DCAF1: variants seen among roughly 807,000 people sequenced by gnomAD.
The protein encoded by DCAF1 is DDB1 and CUL4 associated factor 1.
In DCAF1, 15 loss-of-function variants were observed where a neutral mutation model predicts 128.0. That is an observed-to-expected ratio of 0.12 (90% CI 0.08 to 0.18). The LOEUF (loss-of-function observed/expected upper bound fraction) is 0.18. Among genes scored for constraint, DCAF1 ranks in the 10% least tolerant of loss-of-function variants. DCAF1 has a pLI of 1.00. For synonymous variants in DCAF1, 610 were observed against 603.0 expected (o/e 1.01, Z -0.17); for missense variants, 988 against 1,649.5 (o/e 0.60, Z 6.95).
intron 6 of DCAF1, among the ~76,000 whole-genome samples, chr3:51,458,254 G>A (rs1418908519): frequency 6.6e-6 from 1 of 151,972 alleles, no homozygotes; most frequent in Non-Finnish European, 1.5e-5. Context: ...AAAAGGCAGG[G>A]GCTGCAATCC....
intron 23 of DCAF1, among the ~76,000 whole-genome samples, chr3:51,407,844 G>A (rs1357635991): frequency 6.6e-6 from 1 of 151,902 alleles, no homozygotes; most frequent in Non-Finnish European, 1.5e-5. Flanking sequence ...AGAATTGGCC[G>A]GTTGTGGTGG....
chr3:51,422,107 T>C (rs1699448613), intron 14 of DCAF1, among the ~76,000 whole-genome samples, 200 bp downstream of exon 14: 1 of 152,108 alleles, frequency 6.6e-6, no homozygotes, highest in African/African-American at 2.4e-5. Context: ...TACATTTGTA[T>C]TTTTGTTTTT....
At chr3:51,438,925 A>AT (rs1701102476) in intron 9 of DCAF1, among the ~76,000 whole-genome samples, 1 of 152,118 alleles carries the variant, frequency 6.6e-6, no homozygotes, top group African/African-American at 2.4e-5. Context: ...TGTTATATAC[A>AT]TTTTTTTAAA....
Position 51,473,058 on chromosome 3 carries a change from CCT to C in DCAF1, c.111-2055_111-2054del, listed in dbSNP as rs572243375. ...TTGGGAAGCCAAGGTGGGCCGATCACCTGAGGTCAGGAGTTCGAGACCAGCCT... is the reference window on the plus strand; with the variant it reads ...TTGGGAAGCCAAGGTGGGCCGATCACGAGGTCAGGAGTTCGAGACCAGCCT... On this transcript the variant is annotated intron_variant, in intron 3 of 24. Transcript: ENST00000684031. Among the ~76,000 whole-genome samples the C allele has an allele frequency of 2.9e-4, 43 of 149,746 alleles. No homozygotes were observed. In the South Asian group the frequency reaches 9.1e-3, roughly 32 times the overall value.
chr3:51,396,100 A>ATGT (rs1219965688), downstream of DCAF1: 13 of 410,118 alleles, frequency 3.2e-5, no homozygotes, highest in African/African-American at 2.5e-4. Context: ...CTGCCTTGGT[A>ATGT]TGTTGTTAAG....
chr3:51,401,131 CAAAAAAAAA>C, intron 24 of DCAF1, among the ~76,000 whole-genome samples: 1 of 67,270 alleles, frequency 1.5e-5, no homozygotes, highest in Non-Finnish European at 3.0e-5. Context: ...GACTCCATCT[CAAAAAAAAA>C]AAAAAAAAAA....
intron 6 of DCAF1, among the ~76,000 whole-genome samples, chr3:51,458,103 A>C (rs1347659165): frequency 6.6e-6 from 1 of 152,252 alleles, no homozygotes; most frequent in Admixed American, 6.5e-5. Context: ...GCTCCAATTA[A>C]AAGACACAGA....
chr3:51,503,822 T>C (rs2108658900), upstream of DCAF1, among the ~76,000 whole-genome samples: 1 of 152,262 alleles, frequency 6.6e-6, no homozygotes, highest in Admixed American at 6.5e-5. Flanking sequence ...ACTCTCACTT[T>C]ACAGAGAAAG....
At chr3:51,417,634 G>C (rs1010190069) in intron 17 of DCAF1, among the ~76,000 whole-genome samples, 2 of 151,946 alleles carry the variant, frequency 1.3e-5, no homozygotes, top group Non-Finnish European at 2.9e-5. Flanking sequence ...GCAGGAGAAC[G>C]GTGTGAACCC....
chr3:51,441,451 A>G lies in DCAF1; in HGVS notation c.960T>C (p.Pro320=). ...GTCGCTGCTCGATAGCAGGAGTCAT[A>G]GGATAAAGGGTATAATTGGTGCCAA... is the stretch of plus-strand genomic sequence containing the variant. ...WVIGTNYTLY[P]MTPAIEQRLI... is the part of the protein sequence containing the mutation. Residue 320 remains proline (P), a synonymous_variant, in exon 8 of 25, where the codon CCT becomes CCC. Transcript: ENST00000684031. 1 of 1,613,994 alleles carries G rather than the reference A, an allele frequency of 6.2e-7. No homozygotes were observed. Among genetic ancestry groups the G allele is most frequent in the Non-Finnish European group, 8.5e-7 (1 of 1,179,892 alleles).
At chr3:51,468,108 AG>A (rs1446549484) in intron 4 of DCAF1, among the ~76,000 whole-genome samples, 1 of 152,238 alleles carries the variant, frequency 6.6e-6, no homozygotes, top group African/African-American at 2.4e-5. Context: ...CCAGGGGCCT[AG>A]GATCAACTCA....
Position 51,407,549 on chromosome 3 carries a change from GT to G in DCAF1, c.4213-4155del, listed in dbSNP as rs1185511264. Among the ~76,000 whole-genome samples, 9 of 152,128 alleles carry G rather than the reference GT, an allele frequency of 5.9e-5. No individual in the cohort carries two copies. The East Asian group carries it at 1.7e-3, about 29-fold the overall frequency. On this transcript the variant is annotated intron_variant, in intron 23 of 24. Coordinates refer to ENST00000684031, the MANE Select transcript of DCAF1 (RefSeq NM_001387579.1). ...ACAGAGAGCATTATTCCTTTGTTGAGTTTTTTATTATAAATTTAAGGTTAAG... is the reference window on the plus strand; with the variant it reads ...ACAGAGAGCATTATTCCTTTGTTGAGTTTTTATTATAAATTTAAGGTTAAG...
In DCAF1 at chr3:51,412,978, G is replaced by C. The variant is rs367934393; in HGVS notation, c.4110+15C>G. 1.3e-5 allele frequency: 21 copies of C among 1,613,552 alleles called. No homozygotes were observed. The African/African-American group carries it at 1.9e-4, about 14-fold the overall frequency. On this transcript the variant is annotated intron_variant, in intron 22 of 24. Coordinates refer to ENST00000684031, the MANE Select transcript of DCAF1 (RefSeq NM_001387579.1). The stretch of plus-strand genomic sequence containing the variant: ...ATCAGAACAAAAGAGCAGGGCCTCT[G>C]CAAGCTCCCTTTACCTCAATGACAG...
chr3:51,411,100 G>T (rs557485127), intron 23 of DCAF1, among the ~76,000 whole-genome samples: 45 of 151,450 alleles, frequency 3.0e-4, no homozygotes, highest in Non-Finnish European at 3.4e-4. Flanking sequence ...GGTGGAGGTT[G>T]CAGTGAGCCG....
intron 9 of DCAF1, among the ~76,000 whole-genome samples, 158 bp from the exon 10 acceptor site, chr3:51,433,422 G>A (rs1241862497): frequency 6.6e-6 from 1 of 151,930 alleles, no homozygotes; most frequent in Non-Finnish European, 1.5e-5. Flanking sequence ...TAAATAAAAA[G>A]ACTAAGATTC....
At chr3:51,466,237 T>C (rs938117453) in intron 5 of DCAF1, among the ~76,000 whole-genome samples, 1 of 151,962 alleles carries the variant, frequency 6.6e-6, no homozygotes, top group East Asian at 1.9e-4. Flanking sequence ...AGTGAGAAAA[T>C]AAAGCTTGAA....
intron 6 of DCAF1, among the ~76,000 whole-genome samples, chr3:51,461,557 A>G (rs1200068544): frequency 6.6e-6 from 1 of 152,100 alleles, no homozygotes; most frequent in Non-Finnish European, 1.5e-5. Context: ...CCATCCCATT[A>G]CTGGGTATAT....
chr3:51,435,935 T>A (rs1553636590), intron 9 of DCAF1, among the ~76,000 whole-genome samples: 2 of 152,088 alleles, frequency 1.3e-5, no homozygotes, highest in African/African-American at 4.8e-5. Context: ...GGAAGATGAT[T>A]AAAGAAAAAG....
intron 18 of DCAF1, among the ~76,000 whole-genome samples, 185 bp from the exon 19 acceptor site, chr3:51,415,042 G>A (rs1698755357): frequency 6.6e-6 from 1 of 152,032 alleles, no homozygotes; most frequent in South Asian, 2.1e-4. Flanking sequence ...CACCCGGCCA[G>A]GCACCTCTTT....
Sources: allele counts gnomAD v4.1 joint callset (sites outside exome capture counted in the v4.1 genomes callset), GRCh38; gene constraint gnomAD v4.1.1; transcripts MANE v1.5; gene names NCBI Gene and HGNC (gene_info 2026-07-23, HGNC 2026-07-21).